Variants in PDE6C observed in about 807,000 individuals in gnomAD.
The protein encoded by PDE6C is cone cGMP-specific 3',5'-cyclic phosphodiesterase subunit alpha'.
In PDE6C, 75 loss-of-function variants were observed where a neutral mutation model predicts 113.1. That is an observed-to-expected ratio of 0.66 (90% CI 0.55 to 0.80). The LOEUF is 0.80. Ranked by LOEUF, PDE6C falls within the 30% of genes least tolerant of loss-of-function variation. The pLI, the probability that PDE6C is intolerant of heterozygous loss-of-function variation, is 0.00. For missense variants in PDE6C, 912 were observed against 1,038.6 expected, an observed-to-expected ratio of 0.88 and a Z score of 1.67; for synonymous variants, 375 against 363.7, an observed-to-expected ratio of 1.03 and a Z score of -0.35.
intron 14 of PDE6C, 135 bp downstream of exon 14, chr10:93,641,164 C>T: frequency 1.5e-6 from 1 of 647,056 alleles, no homozygotes; most frequent in East Asian, 2.7e-5. Context: ...GGGCTGGATT[C>T]TATTCCCTCC....
intron 16 of PDE6C, among the ~76,000 whole-genome samples, chr10:93,658,530 A>C (rs1047749302): frequency 2.0e-5 from 3 of 152,212 alleles, no homozygotes; most frequent in Non-Finnish European, 4.4e-5. Context: ...AGGCTGGTTT[A>C]AAACTCCCGG....
At chr10:93,635,151 AAG>A in intron 9 of PDE6C, among the ~76,000 whole-genome samples, 1 of 152,316 alleles carries the variant, frequency 6.6e-6, no homozygotes, top group Non-Finnish European at 1.5e-5. Flanking sequence ...GAAAACAGGA[AAG>A]AGGATTTTCT....
At chr10:93,663,361 C>G (rs2058675225) in intron 21 of PDE6C, among the ~76,000 whole-genome samples, 183 bp downstream of exon 21, 1 of 152,130 alleles carries the variant, frequency 6.6e-6, no homozygotes, top group African/African-American at 2.4e-5. Context: ...CAGACAACAT[C>G]TTATGTATAA....
chr10:93,616,998 A>G (rs542152040), intron 1 of PDE6C, among the ~76,000 whole-genome samples: 21 of 152,310 alleles, frequency 1.4e-4, no homozygotes, highest in African/African-American at 4.6e-4. Context: ...AAAGCTGTCC[A>G]TAAACTATGG....
In PDE6C at chr10:93,646,016, T is replaced by C. The variant is rs747466783; in HGVS notation, c.1904T>C (p.Leu635Pro). ...TCTTCTATTTTGGAGAGGCACCACC[T>C]GGAGTACAGTAAGACTCTGTTGCAG... Reference protein sequence around the residue: ...HGSSILERHHLEYSKTLLQDE... With the variant: ...HGSSILERHHPEYSKTLLQDE... The change falls in exon 15 of 22, where the codon CTG (leucine) becomes CCG (proline). Residue 635 changes from leucine to proline, a missense_variant. Coordinates refer to ENST00000371447, the MANE Select transcript of PDE6C (RefSeq NM_006204.4). The C allele has an allele frequency of 6.2e-7, 1 of 1,605,244 alleles. No homozygotes were observed. Among genetic ancestry groups the C allele is most frequent in the South Asian group, 1.1e-5 (1 of 90,906 alleles).
intron 8 of PDE6C, among the ~76,000 whole-genome samples, chr10:93,631,581 A>AC (rs2058501920): frequency 6.7e-6 from 1 of 149,130 alleles, no homozygotes; most frequent in African/African-American, 2.5e-5. Flanking sequence ...CTCTCTCAGC[A>AC]CCCCCAGCCT....
chr10:93,641,947 A>G (rs539620207), intron 14 of PDE6C, among the ~76,000 whole-genome samples: 1 of 152,316 alleles, frequency 6.6e-6, no homozygotes, highest in South Asian at 2.1e-4. Flanking sequence ...CTAAGCCTCA[A>G]TTTCCTCATC....
At chr10:93,617,561 G>T (rs536666924) in intron 1 of PDE6C, among the ~76,000 whole-genome samples, 2 of 152,278 alleles carry the variant, frequency 1.3e-5, no homozygotes, top group East Asian at 3.9e-4. Flanking sequence ...ATCACCTGAG[G>T]TCAGGAGTTT....
chr10:93,631,879 C>T (rs907901918), intron 8 of PDE6C, among the ~76,000 whole-genome samples: 1 of 152,272 alleles, frequency 6.6e-6, no homozygotes, highest in Non-Finnish European at 1.5e-5. Context: ...CCTATTGCTG[C>T]TGTCACGAAT....
At chr10:93,653,559 G>A (rs536651125) in intron 15 of PDE6C, among the ~76,000 whole-genome samples, 2 of 152,060 alleles carry the variant, frequency 1.3e-5, no homozygotes, top group South Asian at 2.1e-4. Flanking sequence ...CAGGAGAATC[G>A]CTTGAACCCA....
In PDE6C at chr10:93,638,926, G is replaced by A. The variant is rs562791092; in HGVS notation, c.1483-1144G>A. On this transcript the variant is annotated intron_variant, in intron 11 of 21. Coordinates refer to ENST00000371447, the MANE Select transcript of PDE6C (RefSeq NM_006204.4). ...TGTTTTAAATAGCTATATACCATTC[G>A]GTGTTGAAATCTGTGTAAATAGAGC... Among the ~76,000 whole-genome samples the A allele has an allele frequency of 4.6e-5, 7 of 152,248 alleles. No individual in the cohort carries two copies. The South Asian group carries it at 1.2e-3, about 27-fold the overall frequency.
At chr10:93,659,074 T>G in intron 17 of PDE6C, 30 bp from the exon 18 acceptor site, 1 of 1,590,938 alleles carries the variant, frequency 6.3e-7, no homozygotes, top group Non-Finnish European at 8.6e-7. Flanking sequence ...TACTTATTTC[T>G]ATTTTAAAAT....
chr10:93,624,237 AT>A (rs556962087), intron 4 of PDE6C, among the ~76,000 whole-genome samples: 7 of 151,810 alleles, frequency 4.6e-5, no homozygotes, highest in Non-Finnish European at 8.8e-5. Context: ...TTATTTATAT[AT>A]TTTTTCTTTT....
intron 14 of PDE6C, among the ~76,000 whole-genome samples, chr10:93,643,121 T>C (rs1372692999): frequency 1.3e-5 from 2 of 152,170 alleles, no homozygotes; most frequent in East Asian, 3.9e-4. Flanking sequence ...AGGTGCCATA[T>C]AGGAGGTACT....
chr10:93,629,549 G>A (rs1047191086), intron 8 of PDE6C, among the ~76,000 whole-genome samples: 1 of 152,150 alleles, frequency 6.6e-6, no homozygotes, highest in Non-Finnish European at 1.5e-5. Flanking sequence ...TCACACTCCT[G>A]GTCATTTACG....
At chr10:93,636,618 A>C (rs117418927) in intron 10 of PDE6C, among the ~76,000 whole-genome samples, 2 of 152,244 alleles carry the variant, frequency 1.3e-5, no homozygotes, top group Non-Finnish European at 1.5e-5. Context: ...CTTTAAAAAA[A>C]CCAGCTACTG....
chr10:93,634,723 CA>C (rs1564799657), intron 8 of PDE6C, 34 bp from the exon 9 acceptor site: 5 of 1,611,304 alleles, frequency 3.1e-6, no homozygotes, highest in Non-Finnish European at 4.2e-6. Flanking sequence ...ACTAAAAAGG[CA>C]AAAAAATAAC....
chr10:93,662,946 T>C, intron 20 of PDE6C, 82 bp from the exon 21 acceptor site: 1 of 1,256,480 alleles, frequency 8.0e-7, no homozygotes, highest in Non-Finnish European at 1.1e-6. Context: ...TAACAATTCC[T>C]TACAGCTCAC....
At chr10:93,654,801 TC>T (rs1564804836) in intron 15 of PDE6C, among the ~76,000 whole-genome samples, 22 of 91,330 alleles carry the variant, frequency 2.4e-4, no homozygotes, top group African/African-American at 6.4e-4. Context: ...TTTCTTTCTT[TC>T]TTTCTTTCTT....
Sources: allele counts gnomAD v4.1 joint callset (sites outside exome capture counted in the v4.1 genomes callset), GRCh38; gene constraint gnomAD v4.1.1; transcripts MANE v1.5; gene names NCBI Gene and HGNC (gene_info 2026-07-23, HGNC 2026-07-21).